The following SLC30A10 variants were observed in gnomAD, a reference collection of about 807,000 sequenced individuals.
SLC30A10 encodes solute carrier family 30 member 10.
SLC30A10 carries 8 observed loss-of-function variants against 21.7 expected under a neutral mutation model. That is an observed-to-expected ratio of 0.37 (90% CI 0.22 to 0.67). The LOEUF is 0.67. Ranked by LOEUF, SLC30A10 falls within the 30% of genes least tolerant of loss-of-function variation. The pLI is 0.58. For synonymous variants in SLC30A10, 272 were observed against 279.4 expected, an observed-to-expected ratio of 0.97 and a Z score of 0.26; for missense variants, 521 against 642.5, an observed-to-expected ratio of 0.81 and a Z score of 2.04.
At chr1:219,937,218 G>A (rs1776046) in intron 1 of SLC30A10, among the ~76,000 whole-genome samples, 129,401 of 152,192 alleles carry the variant, frequency 0.85, 55,423 homozygotes, top group African/African-American at 0.96. Context: ...AAAAATCTGA[G>A]TACAGCCTGA....
upstream of SLC30A10, among the ~76,000 whole-genome samples, chr1:219,929,968 G>A (rs1268636554): frequency 6.6e-6 from 1 of 152,140 alleles, no homozygotes; most frequent in Non-Finnish European, 1.5e-5. Flanking sequence ...GGTTTGAGAG[G>A]CCTGGCTCCT....
At chr1:219,953,641 C>T (rs965113297) in intron 1 of SLC30A10, among the ~76,000 whole-genome samples, 1 of 151,128 alleles carries the variant, frequency 6.6e-6, no homozygotes, top group Non-Finnish European at 1.5e-5. Flanking sequence ...AGAAAAGCTA[C>T]CTTCAATTAT....
At chr1:219,920,456 T>C (rs1349067166) in intron 2 of SLC30A10, among the ~76,000 whole-genome samples, 1 of 152,214 alleles carries the variant, frequency 6.6e-6, no homozygotes, top group Non-Finnish European at 1.5e-5. Flanking sequence ...GTCTCATACA[T>C]GTTAGGTCCA....
At chr1:219,940,046 GC>G (rs1164427156) in intron 1 of SLC30A10, among the ~76,000 whole-genome samples, 1 of 152,130 alleles carries the variant, frequency 6.6e-6, no homozygotes, top group Non-Finnish European at 1.5e-5. Flanking sequence ...ACCTTGATAC[GC>G]CTTCCATTCA....
intron 1 of SLC30A10, among the ~76,000 whole-genome samples, chr1:219,936,192 C>G (rs1325304366): frequency 6.6e-6 from 1 of 152,078 alleles, no homozygotes; most frequent in Non-Finnish European, 1.5e-5. Flanking sequence ...AATTTCTGAG[C>G]CTTAGTTTCC....
intron 1 of SLC30A10, among the ~76,000 whole-genome samples, chr1:219,934,954 T>G (rs1660026998): frequency 6.6e-6 from 1 of 151,814 alleles, no homozygotes; most frequent in South Asian, 2.1e-4. Context: ...AACACGAAAA[T>G]GAAAGGGGTT....
intron 1 of SLC30A10, among the ~76,000 whole-genome samples, chr1:219,957,888 A>G (rs1238743735): frequency 1.3e-5 from 2 of 152,228 alleles, no homozygotes; most frequent in East Asian, 1.9e-4. Flanking sequence ...AGATAATCTA[A>G]TAAGTTTGGT....
intron 1 of SLC30A10, among the ~76,000 whole-genome samples, chr1:219,934,477 A>G (rs1204962225): frequency 6.6e-6 from 1 of 152,048 alleles, no homozygotes; most frequent in African/African-American, 2.4e-5. Context: ...AAAAAAAAAG[A>G]AGAAAAGCAT....
chr1:219,918,172 C>A lies in SLC30A10; in HGVS notation c.958+83G>T. ...GGTGTTTCAGAATACATAACTCAAA[C>A]ACTGCTCTTAAATAATGCTTGTCCT... On this transcript the variant is annotated intron_variant, in intron 3 of 3. Transcript: ENST00000366926. This position sits in a 1 kb window ranked among gnomAD's most constrained non-coding sequence, Gnocchi z 4.4. The A allele has an allele frequency of 6.5e-7, 1 of 1,531,780 alleles. No homozygotes were observed. Among genetic ancestry groups the A allele is most frequent in the African/African-American group, 1.4e-5 (1 of 72,924 alleles). 94.9% of individuals were successfully genotyped at this position (1,531,780 alleles called of 1,614,324 possible). A position where few individuals can be genotyped will look rare whatever the true frequency, so the allele number is the denominator to read the frequency against.
intron 3 of SLC30A10, among the ~76,000 whole-genome samples, chr1:219,917,523 T>C (rs1659570983): frequency 6.6e-6 from 1 of 152,140 alleles, no homozygotes; most frequent in Admixed American, 6.5e-5. Context: ...GTGACTTGCA[T>C]GCCCGCATTA....
chr1:219,933,280 T>C (rs1230500810), upstream of SLC30A10, among the ~76,000 whole-genome samples: 1 of 152,170 alleles, frequency 6.6e-6, no homozygotes, highest in African/African-American at 2.4e-5. Flanking sequence ...GTATGTCTCC[T>C]AATAGCCCTG....
intron 1 of SLC30A10, among the ~76,000 whole-genome samples, chr1:219,951,478 T>A (rs1227063091): frequency 1.3e-5 from 2 of 151,462 alleles, no homozygotes; most frequent in Non-Finnish European, 2.9e-5. Context: ...TCCCAGCACT[T>A]TGGGAGGCCG....
chr1:219,941,547 T>A (rs1403343769), intron 1 of SLC30A10, among the ~76,000 whole-genome samples: 1 of 54,226 alleles, frequency 1.8e-5, no homozygotes, highest in Non-Finnish European at 3.6e-5. Flanking sequence ...CTTCCTTCCT[T>A]CTTTCCTTCC....
At chr1:219,953,549 C>T (rs766690885) in intron 1 of SLC30A10, among the ~76,000 whole-genome samples, 1 of 151,610 alleles carries the variant, frequency 6.6e-6, no homozygotes, top group East Asian at 1.9e-4. Flanking sequence ...TTATCGTGAG[C>T]CCGAGACTGT....
intron 1 of SLC30A10, among the ~76,000 whole-genome samples, chr1:219,957,844 G>T (rs1344102644): frequency 3.3e-5 from 5 of 151,914 alleles, no homozygotes; most frequent in Non-Finnish European, 7.4e-5. Context: ...TAGATATATT[G>T]TTCTCTTCCA....
At chr1:219,922,277 C>T (rs1471422479) in intron 2 of SLC30A10, among the ~76,000 whole-genome samples, 2 of 132,876 alleles carry the variant, frequency 1.5e-5, no homozygotes, top group Admixed American at 8.6e-5. Context: ...TCTCAAACTC[C>T]TGGCCTCAAG....
chr1:219,937,195 C>T (rs1205062851), intron 1 of SLC30A10, among the ~76,000 whole-genome samples: 1 of 152,166 alleles, frequency 6.6e-6, no homozygotes, highest in Non-Finnish European at 1.5e-5. Context: ...CTTGACATTG[C>T]ATGTCGCTGT....
At chr1:219,925,652 T>TATATATATA (rs1491117690) in intron 2 of SLC30A10, among the ~76,000 whole-genome samples, 10 of 38,192 alleles carry the variant, frequency 2.6e-4, no homozygotes, top group East Asian at 2.0e-3. Flanking sequence ...TATATATATA[T>TATATATATA]TTTTTTTTTT....
chr1:219,923,202 G>T (rs897176193), intron 2 of SLC30A10, among the ~76,000 whole-genome samples: 3 of 152,200 alleles, frequency 2.0e-5, no homozygotes, highest in African/African-American at 7.2e-5. Flanking sequence ...GATTCAGAAA[G>T]ATAAATCTGG....
Sources: allele counts gnomAD v4.1 joint callset (sites outside exome capture counted in the v4.1 genomes callset), GRCh38; gene constraint gnomAD v4.1.1; non-coding constraint Gnocchi (gnomAD v3.1); transcripts MANE v1.5; gene names NCBI Gene and HGNC (gene_info 2026-07-23, HGNC 2026-07-21).